Variants in CDH8 observed in about 807,000 individuals in gnomAD.
CDH8 encodes the protein cadherin 8, also known as cadherin-8.
A neutral mutation model predicts 68.1 loss-of-function variants in CDH8; 17 were observed. That is an observed-to-expected ratio of 0.25 (90% CI 0.17 to 0.37). The LOEUF (loss-of-function observed/expected upper bound fraction) is 0.37. Ranked by LOEUF, CDH8 falls within the 10% of genes least tolerant of loss-of-function variation. The pLI is 1.00. For missense variants in CDH8, 763 were observed against 999.3 expected (o/e 0.76, Z 3.19); for synonymous variants, 372 against 365.1 (o/e 1.02, Z -0.21).
chr16:61,768,398 TTCTCTCTC>T (rs530131371), intron 8 of CDH8, among the ~76,000 whole-genome samples: 9 of 35,212 alleles, frequency 2.6e-4, no homozygotes, highest in Admixed American at 7.5e-4. Context: ...CTCTCTCCCT[TTCTCTCTC>T]TCTCTCTCTC....
rs1470531135 is a variant in CDH8 at position 61,893,394 on chromosome 16, A to G, written c.547+7785T>C. On this transcript the variant is annotated intron_variant, in intron 3 of 11. Coordinates refer to ENST00000577390, the MANE Select transcript of CDH8 (RefSeq NM_001796.5). ...TGGGGAACGCTATCCAACCCAGTAC[A>G]GGTAGATGTGTGTGTGTGTGAGTGT... Among the ~76,000 whole-genome samples the G allele has an allele frequency of 2.0e-5, 3 of 150,720 alleles. No individual in the cohort carries two copies. In the East Asian group the frequency reaches 5.9e-4, roughly 30 times the overall value.
chr16:61,889,615 C>G (rs951981244), intron 3 of CDH8, among the ~76,000 whole-genome samples: 1 of 152,132 alleles, frequency 6.6e-6, no homozygotes, highest in Admixed American at 6.6e-5. Context: ...CCAGCAAATG[C>G]GGACAAAGGC....
chr16:61,655,392 C>T, intron 11 of CDH8, 78 bp downstream of exon 11: 1 of 1,441,038 alleles, frequency 6.9e-7, no homozygotes, highest in Non-Finnish European at 9.6e-7. Context: ...CTGTGTAGAT[C>T]AGAGTTTTCT....
intron 2 of CDH8, among the ~76,000 whole-genome samples, chr16:61,902,927 T>A (rs1253746620): frequency 1.3e-5 from 2 of 152,228 alleles, no homozygotes; most frequent in Non-Finnish European, 2.9e-5. Flanking sequence ...TCTTAATGAA[T>A]GTGGGATTAT....
At chr16:61,909,576 G>A (rs1363199203) in intron 2 of CDH8, among the ~76,000 whole-genome samples, 1 of 152,092 alleles carries the variant, frequency 6.6e-6, no homozygotes, top group Non-Finnish European at 1.5e-5. Context: ...TATGTACTTT[G>A]GCATAATTTT....
At chr16:61,852,572 A>T (rs1205032108) in intron 4 of CDH8, among the ~76,000 whole-genome samples, 1 of 152,088 alleles carries the variant, frequency 6.6e-6, no homozygotes, top group Non-Finnish European at 1.5e-5. Context: ...ACATAGTATG[A>T]GATTTGGAAA....
At chr16:61,680,945 T>C (rs1964001575) in intron 10 of CDH8, among the ~76,000 whole-genome samples, 1 of 151,860 alleles carries the variant, frequency 6.6e-6, no homozygotes, top group South Asian at 2.1e-4. Flanking sequence ...CAATGCAAAT[T>C]AGAAACTACA....
At chr16:61,942,868 T>A (rs1423768811) in intron 2 of CDH8, among the ~76,000 whole-genome samples, 1 of 152,100 alleles carries the variant, frequency 6.6e-6, no homozygotes, top group Non-Finnish European at 1.5e-5. Flanking sequence ...GCCCAGGAAT[T>A]CAACACCAGC....
intron 4 of CDH8, among the ~76,000 whole-genome samples, chr16:61,845,602 C>G (rs556802569): frequency 6.6e-6 from 1 of 151,190 alleles, no homozygotes; most frequent in Non-Finnish European, 1.5e-5. Context: ...CTCTGATTTA[C>G]TAAATTCCAA....
intron 9 of CDH8, among the ~76,000 whole-genome samples, chr16:61,717,489 G>A (rs1964753883): frequency 6.6e-6 from 1 of 151,558 alleles, no homozygotes; most frequent in Admixed American, 6.6e-5. Context: ...ATCTAAATTA[G>A]ATTGTTTTAA....
chr16:62,022,163 G>A (rs1285247565), intron 1 of CDH8, among the ~76,000 whole-genome samples: 2 of 152,050 alleles, frequency 1.3e-5, no homozygotes, highest in African/African-American at 2.4e-5. Flanking sequence ...AAATGAGAAT[G>A]GGAAGGGGAA....
intron 7 of CDH8, among the ~76,000 whole-genome samples, chr16:61,800,872 A>T (rs1961608241): frequency 6.6e-6 from 1 of 152,212 alleles, no homozygotes; most frequent in Non-Finnish European, 1.5e-5. Flanking sequence ...CAGAATGTAG[A>T]AATATAAGGA....
chr16:62,022,547 C>A (rs539386535), intron 1 of CDH8, among the ~76,000 whole-genome samples: 2 of 150,864 alleles, frequency 1.3e-5, no homozygotes, highest in Non-Finnish European at 3.0e-5. Flanking sequence ...TCTTTACTCT[C>A]AAAAAAAAAT....
At chr16:61,822,841 G>T (rs1356581854) in intron 5 of CDH8, among the ~76,000 whole-genome samples, 1 of 151,916 alleles carries the variant, frequency 6.6e-6, no homozygotes, top group Non-Finnish European at 1.5e-5. Context: ...TACATGGGGA[G>T]TCTTGGGAAG....
intron 8 of CDH8, among the ~76,000 whole-genome samples, chr16:61,735,639 A>C (rs950607339): frequency 6.6e-6 from 1 of 152,138 alleles, no homozygotes; most frequent in Non-Finnish European, 1.5e-5. Context: ...CTATATATTC[A>C]TTTATCCTAC....
chr16:61,828,494 T>C (rs1393922715), intron 4 of CDH8, among the ~76,000 whole-genome samples: 1 of 151,886 alleles, frequency 6.6e-6, no homozygotes, highest in Non-Finnish European at 1.5e-5. Flanking sequence ...AACAATAGTA[T>C]CTACACACGT....
chr16:61,886,703 C>T (rs981760027), intron 3 of CDH8, among the ~76,000 whole-genome samples: 1 of 152,108 alleles, frequency 6.6e-6, no homozygotes, highest in Non-Finnish European at 1.5e-5. Flanking sequence ...CTGGCTTTAC[C>T]CTTTTACTTT....
At chr16:62,001,634 T>C (rs1252568065) in intron 2 of CDH8, among the ~76,000 whole-genome samples, 1 of 152,056 alleles carries the variant, frequency 6.6e-6, no homozygotes, top group African/African-American at 2.4e-5. Flanking sequence ...TGTTAAAGAG[T>C]CATGGGGAGA....
chr16:61,826,429 C>A (rs1444439281), intron 4 of CDH8, among the ~76,000 whole-genome samples: 1 of 151,704 alleles, frequency 6.6e-6, no homozygotes, highest in East Asian at 1.9e-4. Flanking sequence ...GCCCCTTCCC[C>A]ATATTGCTAA....
Sources: allele counts gnomAD v4.1 joint callset (sites outside exome capture counted in the v4.1 genomes callset), GRCh38; gene constraint gnomAD v4.1.1; transcripts MANE v1.5; gene names NCBI Gene and HGNC (gene_info 2026-07-23, HGNC 2026-07-21).